MED27: variants seen among roughly 807,000 people sequenced by gnomAD.
MED27 encodes mediator of RNA polymerase II transcription subunit 27.
A neutral mutation model predicts 38.2 loss-of-function variants in MED27; 30 were observed. The observed-to-expected ratio is 0.79, with a 90% confidence interval of 0.59 to 1.07. The LOEUF is 1.07. MED27 is among the 50% of genes least tolerant of loss of function. The pLI, the probability that MED27 is intolerant of heterozygous loss-of-function variation, is 0.00. For missense variants in MED27, 289 were observed against 397.5 expected, an observed-to-expected ratio of 0.73 and a Z score of 2.32; for synonymous variants, 122 against 153.5, an observed-to-expected ratio of 0.79 and a Z score of 1.52.
intron 3 of MED27, among the ~76,000 whole-genome samples, chr9:131,969,237 A>G (rs1288143564): frequency 6.9e-6 from 1 of 144,010 alleles, no homozygotes; most frequent in Non-Finnish European, 1.5e-5. Flanking sequence ...CCTGGTGCCA[A>G]AAAGGTTAGG....
At chr9:131,969,084 T>G (rs940067107) in intron 3 of MED27, among the ~76,000 whole-genome samples, 1 of 152,218 alleles carries the variant, frequency 6.6e-6, no homozygotes. Flanking sequence ...GTAATTATTT[T>G]ATTATATATG....
intron 3 of MED27, among the ~76,000 whole-genome samples, chr9:131,975,716 G>A (rs1207944354): frequency 6.6e-6 from 1 of 152,188 alleles, no homozygotes; most frequent in African/African-American, 2.4e-5. Flanking sequence ...AGGAACGATG[G>A]AGAAACACAA....
intron 3 of MED27, among the ~76,000 whole-genome samples, chr9:131,941,155 C>A (rs990581339): frequency 6.6e-6 from 1 of 152,182 alleles, no homozygotes; most frequent in African/African-American, 2.4e-5. Flanking sequence ...TCCAATTACA[C>A]TGGACACAAA....
intron 3 of MED27, among the ~76,000 whole-genome samples, chr9:131,948,249 C>T (rs531814932): frequency 4.9e-4 from 75 of 152,170 alleles, no homozygotes; most frequent in African/African-American, 1.8e-3. Context: ...CTTTAGGAGG[C>T]CAAGGCAGGA....
chr9:132,037,240 G>A (rs1490148714), intron 2 of MED27, among the ~76,000 whole-genome samples: 5 of 152,138 alleles, frequency 3.3e-5, no homozygotes, highest in African/African-American at 9.7e-5. Context: ...GAATAAACAC[G>A]CTTGAAGTGT....
chr9:131,894,071 C>T (rs1012223905), intron 4 of MED27, 79 bp from the exon 5 acceptor site: 6 of 1,000,508 alleles, frequency 6.0e-6, no homozygotes, highest in South Asian at 1.3e-5. Context: ...GAAATGACCA[C>T]CTGGCCAATC....
chr9:131,922,793 T>C (rs1260596051), intron 4 of MED27, among the ~76,000 whole-genome samples: 1 of 152,136 alleles, frequency 6.6e-6, no homozygotes, highest in Non-Finnish European at 1.5e-5. Context: ...TTTGTATGTT[T>C]AGTAGAGACG....
intron 3 of MED27, among the ~76,000 whole-genome samples, chr9:131,994,496 A>G (rs1021071742): frequency 6.6e-6 from 1 of 152,156 alleles, no homozygotes; most frequent in Non-Finnish European, 1.5e-5. Context: ...CGTCTGTTTC[A>G]TTTACCAGCC....
intron 4 of MED27, among the ~76,000 whole-genome samples, chr9:131,932,494 G>T (rs1260438027): frequency 2.0e-5 from 3 of 151,842 alleles, no homozygotes; most frequent in Admixed American, 6.6e-5. Context: ...GCAACTACAT[G>T]CCAATACATT....
In MED27 at chr9:132,073,994, A is replaced by C. The variant is rs1356036789; in HGVS notation, c.348+3448T>G. Among the ~76,000 whole-genome samples, 7 of 152,232 alleles carry C rather than the reference A, an allele frequency of 4.6e-5. No homozygotes were observed. The East Asian group carries it at 1.3e-3, about 29-fold the overall frequency. ...TGACAGGATGCCAGAAACCTTCAAA[A>C]GAGGACCTTCAGAATAAGTTCAGGT... On this transcript the variant is annotated intron_variant, in intron 2 of 7. Transcript: ENST00000292035.
intron 4 of MED27, among the ~76,000 whole-genome samples, chr9:131,907,972 C>T (rs1332715367): frequency 1.3e-5 from 2 of 151,082 alleles, no homozygotes; most frequent in African/African-American, 2.4e-5. Context: ...TGAGGAGACC[C>T]TCTGCCTGGC....
chr9:131,875,911 G>A (rs961320770), intron 6 of MED27, among the ~76,000 whole-genome samples: 12 of 152,190 alleles, frequency 7.9e-5, no homozygotes, highest in South Asian at 2.1e-4. Flanking sequence ...GCCCGGCTGC[G>A]TCTCTGTTTT....
At chr9:131,907,516 A>C (rs1262918062) in intron 4 of MED27, among the ~76,000 whole-genome samples, 1 of 152,156 alleles carries the variant, frequency 6.6e-6, no homozygotes, top group African/African-American at 2.4e-5. Flanking sequence ...TCGTTCACTC[A>C]GTGCTCAATG....
chr9:131,975,519 T>G (rs1414854557), intron 3 of MED27, among the ~76,000 whole-genome samples: 1 of 152,214 alleles, frequency 6.6e-6, no homozygotes, highest in Non-Finnish European at 1.5e-5. Context: ...CTGGGTTAGT[T>G]TCCTTGTTTT....
chr9:131,962,296 G>C (rs929995932), intron 3 of MED27, among the ~76,000 whole-genome samples: 4 of 152,220 alleles, frequency 2.6e-5, no homozygotes, highest in Non-Finnish European at 5.9e-5. Flanking sequence ...GACTGCAGAG[G>C]CACAATCACA....
chr9:132,068,531 C>T (rs1400351458), intron 2 of MED27, among the ~76,000 whole-genome samples: 1 of 151,954 alleles, frequency 6.6e-6, no homozygotes, highest in Non-Finnish European at 1.5e-5. Context: ...TAATGGAGGC[C>T]CGGGGAGAGG....
chr9:132,047,660 T>C (rs972463123), intron 2 of MED27, among the ~76,000 whole-genome samples: 4 of 152,168 alleles, frequency 2.6e-5, no homozygotes, highest in African/African-American at 9.7e-5. Context: ...GTATCAGTGG[T>C]AAACAAAATT....
chr9:131,894,964 G>A (rs564966810), intron 4 of MED27, among the ~76,000 whole-genome samples: 1 of 152,228 alleles, frequency 6.6e-6, no homozygotes, highest in African/African-American at 2.4e-5. Context: ...ATACCCCTTG[G>A]GTTTTGGCCT....
chr9:132,034,295 A>T (rs138577939), intron 2 of MED27, among the ~76,000 whole-genome samples: 1 of 152,324 alleles, frequency 6.6e-6, no homozygotes, highest in African/African-American at 2.4e-5. Flanking sequence ...AAGAAAGAGG[A>T]GTTTAAAAGT....
Sources: allele counts gnomAD v4.1 joint callset (sites outside exome capture counted in the v4.1 genomes callset), GRCh38; gene constraint gnomAD v4.1.1; transcripts MANE v1.5; gene names NCBI Gene and HGNC (gene_info 2026-07-23, HGNC 2026-07-21).